Variants in ADGRE3 observed in about 807,000 individuals in gnomAD.
ADGRE3 encodes EGF-like module receptor 3.
In ADGRE3, 88 loss-of-function variants were observed where a neutral mutation model predicts 80.1. The observed-to-expected ratio is 1.10, with a 90% CI of 0.93 to 1.31. The LOEUF (loss-of-function observed/expected upper bound fraction) is 1.31. ADGRE3 is among the 40% of genes most tolerant of loss of function. ADGRE3 has a pLI of 0.00. For synonymous variants in ADGRE3, 281 were observed against 294.8 expected (o/e 0.95, Z 0.48); for missense variants, 715 against 776.5 (o/e 0.92, Z 0.94).
At chr19:14,626,472 A>C (rs767989768) in intron 14 of ADGRE3, among the ~76,000 whole-genome samples, 1 of 152,154 alleles carries the variant, frequency 6.6e-6, no homozygotes, top group Non-Finnish European at 1.5e-5. Context: ...AAAATAGAAA[A>C]TGTATAAGAT....
rs1970607131 is a variant in ADGRE3 at position 14,621,488 on chromosome 19, C to T, written c.1921-2017G>A. ...AAAAAAGTGAAAAGAAAAGAAGAGACAGGTTCTCACTATGTTGCCCAGGCT... is the reference window on the plus strand; with the variant it reads ...AAAAAAGTGAAAAGAAAAGAAGAGATAGGTTCTCACTATGTTGCCCAGGCT... On this transcript the variant is annotated intron_variant, in intron 15 of 15. Transcript: ENST00000253673. The T allele has an allele frequency of 1.2e-5, 6 of 499,672 alleles. 1 individual carries two copies. The East Asian group carries it at 1.7e-4, about 15-fold the overall frequency. 31.0% of individuals were successfully genotyped at this position (499,672 alleles called of 1,614,324 possible).
chr19:14,646,495 T>C (rs981520674), intron 8 of ADGRE3, among the ~76,000 whole-genome samples: 4 of 152,062 alleles, frequency 2.6e-5, no homozygotes, highest in Non-Finnish European at 5.9e-5. Context: ...ACAGTGTGAT[T>C]TATAATACTT....
In ADGRE3 at chr19:14,644,254, C is replaced by T; in HGVS notation, c.904G>A (p.Val302Ile). Residue 302 changes from valine to isoleucine, a missense_variant, in exon 9 of 16, where the codon GTC becomes ATC. Transcript: ENST00000253673. The part of the protein sequence containing the change: ...HVKMTPSTKK[V>I]FCVYWKSTGQ... ...GTGCTCTTCCAGTAGACACAGAAGA[C>T]CTTTTTGGTACTGGGGGTCATCTGA... 1 of 1,565,504 alleles carries T rather than the reference C, an allele frequency of 6.4e-7. No individual in the cohort carries two copies. The highest frequency in any genetic ancestry group is 8.6e-7 in the Non-Finnish European group (1 of 1,157,726).
intron 5 of ADGRE3, among the ~76,000 whole-genome samples, chr19:14,656,727 A>G (rs1332811724): frequency 1.3e-5 from 2 of 152,158 alleles, no homozygotes; most frequent in Admixed American, 1.3e-4. Context: ...GCATTGACCC[A>G]TAAGCTTCCA....
chr19:14,633,776 C>CTTTT (rs201616276), intron 11 of ADGRE3, among the ~76,000 whole-genome samples: 1 of 109,542 alleles, frequency 9.1e-6, no homozygotes. Context: ...ATGACAATAG[C>CTTTT]TTTTTTTTTT....
rs548104677 is a variant in ADGRE3, at chr19:14,662,128, A to G, written c.200-10T>C. ...GTACATTCATTAATGTCTGGAACACAAAGAAGCAATTGGGTCATTCATTCA... is the reference window on the plus strand; with the variant it reads ...GTACATTCATTAATGTCTGGAACACGAAGAAGCAATTGGGTCATTCATTCA... On this transcript the variant is annotated splice_polypyrimidine_tract_variant and intron_variant, in intron 3 of 15. Coordinates refer to ENST00000253673, the MANE Select transcript of ADGRE3 (RefSeq NM_032571.5). The G allele has an allele frequency of 6.2e-7, 1 of 1,613,682 alleles. No individual in the cohort carries two copies.
At chr19:14,629,725 A>G (rs1336471939) in intron 14 of ADGRE3, among the ~76,000 whole-genome samples, 1 of 150,976 alleles carries the variant, frequency 6.6e-6, no homozygotes, top group Admixed American at 6.6e-5. Flanking sequence ...AAAAGCAAAT[A>G]TTTGTGTTTA....
At chr19:14,617,761 A>G (rs2075091075), downstream of ADGRE3, among the ~76,000 whole-genome samples, 1 of 151,920 alleles carries the variant, frequency 6.6e-6, no homozygotes, top group African/African-American at 2.4e-5. Flanking sequence ...TCTTCCTTTT[A>G]TTCTTCCAAG....
chr19:14,622,047 A>G lies in ADGRE3; in HGVS notation c.1921-2576T>C, dbSNP rs1217938002. ...TTAAAATAGGAACATTCCTGTGTGC[A>G]TGTGTCTTTCTTTTCTCCTTTATTG... is the stretch of plus-strand genomic sequence containing the variant. On this transcript the variant is annotated intron_variant, in intron 15 of 15. Transcript: ENST00000253673. The G allele has an allele frequency of 4.3e-5, 45 of 1,046,594 alleles. 14 individuals carry two copies. Among genetic ancestry groups the G allele is most frequent in the Non-Finnish European group, 5.3e-5 (40 of 752,884 alleles). 64.8% of individuals were successfully genotyped at this position (1,046,594 alleles called of 1,614,324 possible).
rs569995267 is a variant in ADGRE3 at position 14,627,605 on chromosome 19, C to T, written c.1813-2006G>A. On this transcript the variant is annotated intron_variant, in intron 14 of 15. Coordinates refer to ENST00000253673, the MANE Select transcript of ADGRE3 (RefSeq NM_032571.5). ...TGTTGGCCAGGCTGGTCTTGAACTCCTGACCTCAGATGATCTGCCTGCCTC... is the reference window on the plus strand; with the variant it reads ...TGTTGGCCAGGCTGGTCTTGAACTCTTGACCTCAGATGATCTGCCTGCCTC... Among the ~76,000 whole-genome samples the T allele has an allele frequency of 1.3e-4, 20 of 152,056 alleles. No homozygotes were observed. The East Asian group carries it at 3.9e-3, about 30-fold the overall frequency.
intron 6 of ADGRE3, among the ~76,000 whole-genome samples, chr19:14,652,671 G>A (rs1188647899): frequency 1.3e-5 from 2 of 151,192 alleles, no homozygotes; most frequent in Non-Finnish European, 2.9e-5. Flanking sequence ...CCAGCTACTA[G>A]GAAGGCTGAG....
At chr19:14,609,116 A>C in the ADGRE3 span, among the ~76,000 whole-genome samples, 6 of 152,126 alleles carry the variant, frequency 3.9e-5, no homozygotes, top group African/African-American at 1.4e-4. Context: ...TGGCTGCTAA[A>C]GGCTCACAGG....
chr19:14,641,746 T>C, intron 9 of ADGRE3, 130 bp from the exon 10 acceptor site: 1 of 1,109,100 alleles, frequency 9.0e-7, no homozygotes, highest in Non-Finnish European at 1.3e-6. Flanking sequence ...ACTGCTAATG[T>C]AGATTGCTAA....
At chr19:14,629,314 GA>G (rs1243909953) in intron 14 of ADGRE3, among the ~76,000 whole-genome samples, 1 of 151,726 alleles carries the variant, frequency 6.6e-6, no homozygotes, top group African/African-American at 2.4e-5. Flanking sequence ...ATAGTAGTTG[GA>G]AAAAAAATAA....
intron 11 of ADGRE3, among the ~76,000 whole-genome samples, chr19:14,635,997 CTCTTTCTCTTTCTT>C (rs144074140): frequency 0.09 from 2,684 of 29,686 alleles, 542 homozygotes; most frequent in Middle Eastern, 0.19. Flanking sequence ...TCCTTTCTCT[CTCTTTCTCTTTCTT>C]TCTTCCTTCC....
At chr19:14,669,187 T>A (rs2146911819) in intron 1 of ADGRE3, among the ~76,000 whole-genome samples, 1 of 152,234 alleles carries the variant, frequency 6.6e-6, no homozygotes, top group South Asian at 2.1e-4. Flanking sequence ...GTTGACTAGA[T>A]AAAGAAAATA....
chr19:14,649,387 CCCATCTCTCTCTTT>C (rs1348757914), intron 7 of ADGRE3, among the ~76,000 whole-genome samples: 1 of 144,788 alleles, frequency 6.9e-6, no homozygotes, highest in African/African-American at 2.6e-5. Context: ...TCTCTCTCTC[CCCATCTCTCTCTTT>C]CCATCTCTCT....
At chr19:14,674,621 C>T in intron 1 of ADGRE3, 125 bp downstream of exon 1, 1 of 946,436 alleles carries the variant, frequency 1.1e-6, no homozygotes. Context: ...AACCACACTC[C>T]AAAGGGAAAA....
At chr19:14,603,305 G>A in the ADGRE3 span, among the ~76,000 whole-genome samples, 1 of 151,934 alleles carries the variant, frequency 6.6e-6, no homozygotes, top group Non-Finnish European at 1.5e-5. Context: ...ACTCCAAACT[G>A]GTATCTACTG....
Sources: gnomAD v4.1 joint callset for allele counts (sites outside exome capture counted in the v4.1 genomes callset) on GRCh38, gnomAD v4.1.1 for gene constraint, MANE v1.5 for transcripts, NCBI Gene and HGNC (gene_info 2026-07-23, HGNC 2026-07-21) for gene names.